The following SP100 variants were observed in gnomAD, a reference collection of about 807,000 sequenced individuals.
The protein encoded by SP100 is nuclear autoantigen Sp-100.
A neutral mutation model predicts 130.0 loss-of-function variants in SP100; 84 were observed. The observed-to-expected ratio is 0.65, with a 90% CI of 0.54 to 0.77. The LOEUF (loss-of-function observed/expected upper bound fraction) is 0.77, where lower values mean the gene tolerates loss of function less well. Ranked by LOEUF, SP100 falls within the 30% of genes least tolerant of loss-of-function variation. The pLI is 0.00. For synonymous variants in SP100, 331 were observed against 351.7 expected (o/e 0.94, Z 0.66); for missense variants, 978 against 1,052.2 (o/e 0.93, Z 0.97).
rs1341867213 is a variant in SP100 at position 230,446,744 on chromosome 2, T to C, written c.440-75T>C. 6.2e-6 allele frequency: 6 copies of C among 969,696 alleles called. No individual in the cohort carries two copies. The African/African-American group carries it at 9.9e-5, about 16-fold the overall frequency. The allele number at this position is 969,696 out of a possible 1,614,324, so 60.1% of individuals were successfully genotyped here. ...GAGTCACCCAAGGGCTGGAAATTCC[T>C]AAAAGCATGATTTCCAGACATTGTC... On this transcript the variant is annotated intron_variant, in intron 4 of 28. Transcript: ENST00000340126.
intron 5 of SP100, among the ~76,000 whole-genome samples, chr2:230,448,703 G>A (rs2063825510): frequency 6.6e-6 from 1 of 152,192 alleles, no homozygotes; most frequent in Admixed American, 6.5e-5. Context: ...TGGAGAGGGA[G>A]GGTGTTGTGT....
chr2:230,531,262 C>G (rs1361948062), intron 24 of SP100, among the ~76,000 whole-genome samples: 1 of 152,174 alleles, frequency 6.6e-6, no homozygotes, highest in Non-Finnish European at 1.5e-5. Flanking sequence ...AGTTTGTGTC[C>G]TTTGCAGGGA....
intron 24 of SP100, 51 bp downstream of exon 24, chr2:230,511,217 A>G: frequency 8.2e-7 from 1 of 1,224,176 alleles, no homozygotes; most frequent in Non-Finnish European, 1.2e-6. Context: ...GCCTTTCTCC[A>G]GGCACACTAT....
intron 19 of SP100, among the ~76,000 whole-genome samples, chr2:230,500,084 TCG>T (rs889656372): frequency 4.0e-5 from 6 of 151,808 alleles, no homozygotes; most frequent in African/African-American, 1.5e-4. Flanking sequence ...AACCAAAGAG[TCG>T]CCTAAACACG....
intron 2 of SP100, among the ~76,000 whole-genome samples, chr2:230,423,181 T>G (rs922604506): frequency 1.3e-5 from 2 of 152,214 alleles, no homozygotes; most frequent in Non-Finnish European, 2.9e-5. Flanking sequence ...AAGTATATTA[T>G]GCATTTCTCC....
At chr2:230,420,311 T>G (rs1234422891) in intron 2 of SP100, among the ~76,000 whole-genome samples, 28 of 152,234 alleles carry the variant, frequency 1.8e-4, no homozygotes, top group Non-Finnish European at 1.5e-5. Context: ...AATAATTACA[T>G]CTTCAAAGAT....
chr2:230,535,906 C>CA lies in SP100; in HGVS notation c.2095-3332dup, dbSNP rs34684038. Reference sequence around the variant, plus strand: ...TGGGTGACAGAGCAAGACTCCATCTCAAAAAAAAAAAAAAAAAAAAAAAAA... The same window carrying CA: ...TGGGTGACAGAGCAAGACTCCATCTCAAAAAAAAAAAAAAAAAAAAAAAAAA... On this transcript the variant is annotated intron_variant, in intron 24 of 28. Coordinates refer to ENST00000340126, the MANE Select transcript of SP100 (RefSeq NM_001080391.2). Among the ~76,000 whole-genome samples the CA allele has an allele frequency of 7.2e-3, 344 of 47,584 alleles. 27 individuals are homozygous for CA. Among genetic ancestry groups the CA allele is most frequent in the African/African-American group, 0.01 (91 of 8,968 alleles). 31.2% of individuals were successfully genotyped at this position (47,584 alleles called of 152,430 possible).
At chr2:230,450,892 T>C (rs1332751741) in intron 8 of SP100, among the ~76,000 whole-genome samples, 3 of 152,238 alleles carry the variant, frequency 2.0e-5, no homozygotes, top group Non-Finnish European at 2.9e-5. Flanking sequence ...CACTGATGGG[T>C]ACTTAGGTTG....
chr2:230,420,140 A>G (rs1321729232), intron 2 of SP100, among the ~76,000 whole-genome samples: 1 of 152,174 alleles, frequency 6.6e-6, no homozygotes, highest in Non-Finnish European at 1.5e-5. Flanking sequence ...AGGCATTTTA[A>G]AATTGTATTT....
intron 17 of SP100, among the ~76,000 whole-genome samples, chr2:230,490,786 T>C (rs1467565776): frequency 6.6e-6 from 1 of 152,090 alleles, no homozygotes; most frequent in Admixed American, 6.6e-5. Flanking sequence ...TATTGAAAAT[T>C]TTTTTTTAAG....
intron 17 of SP100, among the ~76,000 whole-genome samples, chr2:230,479,359 G>A (rs1575701359): frequency 1.3e-5 from 2 of 152,264 alleles, no homozygotes. Flanking sequence ...ATTATTCCCA[G>A]CATCATTAAA....
rs911713897 is a variant in SP100, at chr2:230,532,085, C to G, written c.2095-7182C>G. On this transcript the variant is annotated intron_variant, in intron 24 of 28. Transcript: ENST00000340126. Reference sequence around the variant, plus strand: ...TGTTTCCAACAATTCATTATTTTCTCTATTTCTCTAAACTTCCTAATCTAC... The same window carrying G: ...TGTTTCCAACAATTCATTATTTTCTGTATTTCTCTAAACTTCCTAATCTAC... Among the ~76,000 whole-genome samples, 154 of 152,120 alleles carry G rather than the reference C, an allele frequency of 1.0e-3. 2 individuals are homozygous for G. The highest frequency in any genetic ancestry group is 1.6e-4 in the Non-Finnish European group (11 of 67,980).
At chr2:230,481,823 T>C (rs1453343516) in intron 17 of SP100, among the ~76,000 whole-genome samples, 2 of 152,202 alleles carry the variant, frequency 1.3e-5, no homozygotes, top group South Asian at 2.1e-4. Context: ...ATAAACCAAG[T>C]AGTGTTCAGC....
In SP100 at chr2:230,540,762, T is replaced by C. The variant is rs370469012; in HGVS notation, c.2211-114T>C. 6.9e-5 allele frequency: 94 copies of C among 1,359,112 alleles called. 1 individual carries two copies. In the East Asian group the frequency reaches 1.6e-3, roughly 22 times the overall value. The allele number at this position is 1,359,112 out of a possible 1,614,324, so 84.2% of individuals were successfully genotyped here. On this transcript the variant is annotated intron_variant, in intron 25 of 28. Coordinates refer to ENST00000340126, the MANE Select transcript of SP100 (RefSeq NM_001080391.2). ...AGTGCAGAGGCCTCCAAGAGAGAAG[T>C]TGGATACAAGGTGGAAACCACTAGG...
At chr2:230,444,115 TC>T in intron 3 of SP100, 62 bp from the exon 4 acceptor site, 1 of 1,218,446 alleles carries the variant, frequency 8.2e-7, no homozygotes, top group Non-Finnish European at 1.2e-6. Context: ...AGAATTCCTT[TC>T]TAGAGCTCTT....
chr2:230,416,288 G>A lies in SP100; in HGVS notation c.-9G>A. The A allele has an allele frequency of 1.2e-6, 2 of 1,613,000 alleles. No individual in the cohort carries two copies. Among genetic ancestry groups the A allele is most frequent in the Non-Finnish European group, 1.7e-6 (2 of 1,179,226 alleles). On this transcript the variant is annotated 5_prime_UTR_variant, in exon 1 of 29. Coordinates refer to ENST00000340126, the MANE Select transcript of SP100 (RefSeq NM_001080391.2). ...GCTCTGAGGCCCACGCAGGGCCTAG[G>A]GTGGGAAGATGGCAGGTGGGGGCGG...
chr2:230,503,491 TTC>T lies in SP100; in HGVS notation c.1765+385_1765+386del, dbSNP rs1325705343. Among the ~76,000 whole-genome samples, 4 of 152,362 alleles carry T rather than the reference TTC, an allele frequency of 2.6e-5. No individual in the cohort carries two copies. In the East Asian group the frequency reaches 7.7e-4, roughly 29 times the overall value. ...TTTGATGCCAGGAACATTCAGATTA[TTC>T]TCTTTTAGCTATTTTGAGATGTATA... On this transcript the variant is annotated intron_variant, in intron 20 of 28. Transcript: ENST00000340126.
rs1306656512 is a variant in SP100 at position 230,425,245 on chromosome 2, G to C, written c.107+7580G>C. On this transcript the variant is annotated intron_variant, in intron 2 of 28. Coordinates refer to ENST00000340126, the MANE Select transcript of SP100 (RefSeq NM_001080391.2). ...TTCCATACTACACATTAAATACCCA[G>C]AACTTATCCATCTTATAACTGAAAG... 2.0e-5 allele frequency among the ~76,000 whole-genome samples: 3 copies of C among 152,096 alleles called. No individual in the cohort carries two copies. The East Asian group carries it at 5.8e-4, about 29-fold the overall frequency.
rs752151833 is a variant in SP100 at position 230,474,439 on chromosome 2, G to A, written c.1592G>A (p.Gly531Glu). The A allele has an allele frequency of 6.9e-7, 1 of 1,459,792 alleles. No individual in the cohort carries two copies. The highest frequency in any genetic ancestry group is 9.5e-7 in the Non-Finnish European group (1 of 1,048,968). The allele number at this position is 1,459,792 out of a possible 1,614,324, so 90.4% of individuals were successfully genotyped here. Residue 531 changes from glycine (G) to glutamate (E), a missense_variant, in exon 17 of 29, where the codon GGG becomes GAG. Physicochemically the swap from Gly to Glu is moderately conservative, Grantham distance 98. Coordinates refer to ENST00000340126, the MANE Select transcript of SP100 (RefSeq NM_001080391.2). ...AATTCTACTTTGGAAAAACACAGTG[G>A]GAAAAGAAGTAAGAACAAATAAGAA... ...ENNSTLEKHS[G>E]KRRKKRRHRS...
Sources: allele counts gnomAD v4.1 joint callset (sites outside exome capture counted in the v4.1 genomes callset), GRCh38; gene constraint gnomAD v4.1.1; transcripts MANE v1.5; gene names NCBI Gene and HGNC (gene_info 2026-07-23, HGNC 2026-07-21).